Variants in ME3 observed in about 807,000 individuals in gnomAD.
The protein encoded by ME3 is malic enzyme 3.
ME3 carries 48 observed loss-of-function variants against 68.9 expected under a neutral mutation model. That is an observed-to-expected ratio of 0.70 (90% CI 0.55 to 0.89). The LOEUF is 0.89. ME3 is among the 40% of genes least tolerant of loss of function. The probability of loss-of-function intolerance (pLI) is 0.00; values close to 1 mark genes in which losing one functional copy is unlikely to be tolerated. For synonymous variants in ME3, 320 were observed against 318.8 expected (o/e 1.00, Z -0.04); for missense variants, 675 against 797.4 (o/e 0.85, Z 1.85).
At chr11:86,486,996 C>G (rs1300383178) in intron 7 of ME3, among the ~76,000 whole-genome samples, 1 of 152,226 alleles carries the variant, frequency 6.6e-6, no homozygotes, top group Non-Finnish European at 1.5e-5. Flanking sequence ...CATTTTTCCT[C>G]CATCACTTGC....
chr11:86,534,081 G>GTGTATATATATATA (rs1361825219), intron 4 of ME3, among the ~76,000 whole-genome samples: 1 of 127,508 alleles, frequency 7.8e-6, no homozygotes, highest in African/African-American at 3.2e-5. Context: ...GTGTGTGTGT[G>GTGTATATATATATA]TATATATATA....
chr11:86,624,747 G>T (rs1943553318), intron 2 of ME3, among the ~76,000 whole-genome samples: 1 of 152,210 alleles, frequency 6.6e-6, no homozygotes, highest in Non-Finnish European at 1.5e-5. Context: ...ATTTCCATCT[G>T]ATTCCTCCAA....
intron 14 of ME3, 118 bp downstream of exon 14, chr11:86,442,703 G>T: frequency 1.3e-6 from 1 of 797,672 alleles, no homozygotes; most frequent in Non-Finnish European, 2.0e-6. Context: ...TACAGGTAGT[G>T]CAGCTCAAGG....
chr11:86,568,792 T>C (rs1332103473), intron 2 of ME3, among the ~76,000 whole-genome samples: 1 of 152,240 alleles, frequency 6.6e-6, no homozygotes, highest in Non-Finnish European at 1.5e-5. Context: ...TACTGTGTAC[T>C]TGACAATCTC....
chr11:86,671,316 A>T (rs1946922136), intron 2 of ME3, among the ~76,000 whole-genome samples: 1 of 152,322 alleles, frequency 6.6e-6, no homozygotes, highest in East Asian at 1.9e-4. Context: ...ACTGGGTACC[A>T]GGCACTGTTC....
At chr11:86,530,654 T>C (rs1463136333) in intron 4 of ME3, among the ~76,000 whole-genome samples, 2 of 152,182 alleles carry the variant, frequency 1.3e-5, no homozygotes, top group Non-Finnish European at 2.9e-5. Context: ...AACAGAGATA[T>C]AGACCAATGG....
At chr11:86,529,412 G>A (rs959411868) in intron 4 of ME3, among the ~76,000 whole-genome samples, 17 of 152,214 alleles carry the variant, frequency 1.1e-4, no homozygotes, top group South Asian at 4.1e-4. Flanking sequence ...ATTCACAGCC[G>A]AATTCTACCA....
chr11:86,512,998 C>T (rs1312236647), intron 4 of ME3, among the ~76,000 whole-genome samples: 1 of 152,198 alleles, frequency 6.6e-6, no homozygotes, highest in East Asian at 1.9e-4. Context: ...CTCCTTCTCT[C>T]TTACCAGGAA....
At chr11:86,546,584 A>G (rs1371864733) in intron 4 of ME3, among the ~76,000 whole-genome samples, 3 of 152,250 alleles carry the variant, frequency 2.0e-5, no homozygotes, top group Non-Finnish European at 1.5e-5. Context: ...ATCACTGGTC[A>G]TTAGAGAAAC....
At chr11:86,461,691 G>A (rs1950230988) in intron 8 of ME3, among the ~76,000 whole-genome samples, 2 of 152,188 alleles carry the variant, frequency 1.3e-5, no homozygotes, top group Admixed American at 1.3e-4. Context: ...TCTGCATGAT[G>A]TGCTGACAGC....
intron 2 of ME3, among the ~76,000 whole-genome samples, chr11:86,650,304 A>T (rs1184338886): frequency 4.6e-5 from 7 of 152,324 alleles, no homozygotes; most frequent in Admixed American, 3.3e-4. Flanking sequence ...TACAAAAATT[A>T]ACTCAAAATG....
intron 2 of ME3, among the ~76,000 whole-genome samples, chr11:86,665,122 C>T (rs1042958385): frequency 3.3e-5 from 5 of 152,214 alleles, no homozygotes; most frequent in African/African-American, 1.2e-4. Context: ...CGCTCATTCA[C>T]TAACTGCTTA....
intron 2 of ME3, among the ~76,000 whole-genome samples, chr11:86,575,797 A>G (rs1180380373): frequency 6.6e-6 from 1 of 152,240 alleles, no homozygotes; most frequent in Non-Finnish European, 1.5e-5. Flanking sequence ...CCGCAATACA[A>G]TGCTAGTACA....
chr11:86,495,782 G>C (rs1216764247), intron 6 of ME3, among the ~76,000 whole-genome samples: 1 of 152,090 alleles, frequency 6.6e-6, no homozygotes, highest in African/African-American at 2.4e-5. Flanking sequence ...GAGACCAGGT[G>C]GTTTTAGAGG....
intron 2 of ME3, among the ~76,000 whole-genome samples, chr11:86,577,637 C>G (rs1467476171): frequency 3.3e-5 from 5 of 152,136 alleles, no homozygotes; most frequent in Admixed American, 3.3e-4. Flanking sequence ...GGAATCATAA[C>G]TTTTTAAAAA....
intron 8 of ME3, chr11:86,462,691 A>G (rs1388729228): frequency 1.2e-6 from 1 of 860,572 alleles, no homozygotes; most frequent in East Asian, 6.2e-5. Flanking sequence ...GGGAACAAGA[A>G]TGGATAAGGC....
intron 2 of ME3, among the ~76,000 whole-genome samples, chr11:86,655,602 A>G (rs868780454): frequency 1.4e-4 from 21 of 152,180 alleles, no homozygotes; most frequent in African/African-American, 4.8e-4. Flanking sequence ...TTAATTCAAG[A>G]TGGATTAAAG....
intron 4 of ME3, among the ~76,000 whole-genome samples, chr11:86,526,463 G>C (rs1391722316): frequency 2.6e-5 from 4 of 152,204 alleles, no homozygotes; most frequent in African/African-American, 9.6e-5. Flanking sequence ...CCAAACAAAA[G>C]GCAGCAGAAA....
At chr11:86,511,748 A>T (rs1444172618) in intron 4 of ME3, among the ~76,000 whole-genome samples, 1 of 152,306 alleles carries the variant, frequency 6.6e-6, no homozygotes, top group South Asian at 2.1e-4. Flanking sequence ...CTCAACAGCC[A>T]TGTGGCTCGA....
Sources: gnomAD v4.1 joint callset for allele counts (sites outside exome capture counted in the v4.1 genomes callset) on GRCh38, gnomAD v4.1.1 for gene constraint, MANE v1.5 for transcripts, NCBI Gene and HGNC (gene_info 2026-07-23, HGNC 2026-07-21) for gene names.